Variants in DCDC1 observed in about 807,000 individuals in gnomAD.
DCDC1 encodes doublecortin domain containing 1, also known as doublecortin domain-containing protein 1.
A neutral mutation model predicts 178.3 loss-of-function variants in DCDC1; 200 were observed. The observed-to-expected ratio is 1.12, with a 90% CI of 1.00 to 1.26. The LOEUF (loss-of-function observed/expected upper bound fraction) is 1.26, where lower values mean the gene tolerates loss of function less well. Among genes scored for constraint, DCDC1 ranks in the 50% most tolerant of loss-of-function variants. The pLI, the probability that DCDC1 is intolerant of heterozygous loss-of-function variation, is 0.00. For missense variants in DCDC1, 1,983 were observed against 1,749.2 expected (o/e 1.13, Z -2.38); for synonymous variants, 690 against 604.8 (o/e 1.14, Z -2.07).
intron 2 of DCDC1, among the ~76,000 whole-genome samples, chr11:31,329,370 A>C (rs2133097154): frequency 6.7e-6 from 1 of 150,082 alleles, no homozygotes; most frequent in African/African-American, 2.4e-5. Flanking sequence ...TCTTTGCTTA[A>C]GCTAGTTGGA....
At chr11:31,123,486 T>C (rs1961112851) in intron 11 of DCDC1, among the ~76,000 whole-genome samples, 1 of 151,988 alleles carries the variant, frequency 6.6e-6, no homozygotes, top group Non-Finnish European at 1.5e-5. Flanking sequence ...TGGTAGAAGT[T>C]AGTCTTAGCA....
At chr11:31,263,390 A>T (rs1442656229) in intron 8 of DCDC1, among the ~76,000 whole-genome samples, 1 of 152,048 alleles carries the variant, frequency 6.6e-6, no homozygotes, top group African/African-American at 2.4e-5. Flanking sequence ...TAATAATGAC[A>T]CTCTTATTAA....
rs953953307 is a variant in DCDC1 at position 31,127,528 on chromosome 11, A to G, written c.1426T>C (p.Tyr476His). ...GCTGGAAGGCTTTTAATGTGTTGGT[A>G]GACATAAGAGGAGAATTGCTCCTGC... The part of the protein sequence containing the change: ...AEQEQFSSYV[Y>H]QHIKSLPANT... Residue 476 changes from tyrosine (Y) to histidine (H), a missense_variant, in exon 11 of 39, where the codon TAC becomes CAC. Tyr to His is a moderately conservative substitution (Grantham distance 83, BLOSUM62 2). Coordinates refer to ENST00000684477, the MANE Select transcript of DCDC1 (RefSeq NM_001387274.1). 2.8e-6 allele frequency: 2 copies of G among 702,604 alleles called. No individual in the cohort carries two copies. Among genetic ancestry groups the G allele is most frequent in the Non-Finnish European group, 5.2e-6 (2 of 384,802 alleles). 43.5% of individuals were successfully genotyped at this position (702,604 alleles called of 1,614,324 possible).
chr11:31,051,667 T>A (rs1359851914), intron 20 of DCDC1, among the ~76,000 whole-genome samples: 4 of 152,210 alleles, frequency 2.6e-5, no homozygotes, highest in African/African-American at 9.6e-5. Flanking sequence ...TGGGGACCTA[T>A]CTTCAGCCTC....
rs369735018 is a variant in DCDC1 at position 30,930,490 on chromosome 11, T to C, written c.2897+1281A>G. ...ATTATTTGGGAGTAATTAATTCATA[T>C]GGTGAACAAGTAACTCTAATACCTG... On this transcript the variant is annotated intron_variant, in intron 22 of 38. Transcript: ENST00000684477. 9.2e-5 allele frequency among the ~76,000 whole-genome samples: 14 copies of C among 152,282 alleles called. No individual in the cohort carries two copies. In the East Asian group the frequency reaches 1.5e-3, roughly 17 times the overall value.
intron 9 of DCDC1, among the ~76,000 whole-genome samples, chr11:31,170,525 G>C (rs1340312089): frequency 6.6e-6 from 1 of 152,076 alleles, no homozygotes; most frequent in Non-Finnish European, 1.5e-5. Context: ...CAACCCTTTT[G>C]TCAAAACCTA....
chr11:31,103,927 A>G (rs964197199), intron 13 of DCDC1, among the ~76,000 whole-genome samples, 158 bp from the exon 14 acceptor site: 4 of 152,240 alleles, frequency 2.6e-5, no homozygotes, highest in African/African-American at 4.8e-5. Flanking sequence ...ATTCTATATT[A>G]ACACCTGAAA....
At chr11:31,181,513 A>T (rs1338639774) in intron 9 of DCDC1, among the ~76,000 whole-genome samples, 1 of 152,204 alleles carries the variant, frequency 6.6e-6, no homozygotes, top group Non-Finnish European at 1.5e-5. Context: ...AACTTCCAGA[A>T]GAAGGAACAG....
chr11:31,256,224 A>G (rs2137030107), intron 8 of DCDC1, among the ~76,000 whole-genome samples: 1 of 152,298 alleles, frequency 6.6e-6, no homozygotes, highest in Non-Finnish European at 1.5e-5. Context: ...GAATTACTGT[A>G]GTTTTACTTG....
chr11:31,066,025 T>A (rs1368942302), intron 18 of DCDC1, among the ~76,000 whole-genome samples: 1 of 152,180 alleles, frequency 6.6e-6, no homozygotes, highest in Admixed American at 6.6e-5. Flanking sequence ...GGGGGATATA[T>A]AAATACTGCA....
intron 4 of DCDC1, among the ~76,000 whole-genome samples, chr11:31,306,718 T>C (rs985901011): frequency 1.3e-5 from 2 of 151,876 alleles, no homozygotes; most frequent in African/African-American, 4.8e-5. Flanking sequence ...CTAAAAATTA[T>C]ATATATGAGA....
chr11:30,908,823 C>G, intron 29 of DCDC1, 123 bp downstream of exon 29: 1 of 767,934 alleles, frequency 1.3e-6, no homozygotes, highest in Non-Finnish European at 1.9e-6. Flanking sequence ...TGATTTCACT[C>G]AAAAATCAGC....
intron 20 of DCDC1, among the ~76,000 whole-genome samples, chr11:31,021,338 A>G (rs1259970395): frequency 1.3e-5 from 2 of 152,236 alleles, no homozygotes; most frequent in Non-Finnish European, 2.9e-5. Flanking sequence ...AACGTTCACC[A>G]TTAGAAAGCA....
chr11:30,895,879 A>G (rs1016902743), intron 34 of DCDC1, among the ~76,000 whole-genome samples: 1 of 152,220 alleles, frequency 6.6e-6, no homozygotes. Flanking sequence ...ATTTTTATAA[A>G]TAACATTTCA....
Position 30,906,618 on chromosome 11 carries a change from A to T in DCDC1, c.4026T>A (p.Val1342=). 6.2e-7 allele frequency: 1 copy of T among 1,613,514 alleles called. No individual in the cohort carries two copies. Among genetic ancestry groups the T allele is most frequent in the Non-Finnish European group, 8.5e-7 (1 of 1,179,678 alleles). The change falls in exon 30 of 39, where the codon GTT becomes GTA. Residue 1342 remains valine, a synonymous_variant. Transcript: ENST00000684477. ...TGGTGCCTGAAATACAGAGGAATGG[A>T]ACCCCTGGAAGCAATTGTTTCAGTC... ...EKGLKQLLPG[V]PFLCISGTKT... is the part of the protein sequence containing the mutation.
At chr11:31,037,689 T>C (rs750097344) in intron 20 of DCDC1, among the ~76,000 whole-genome samples, 5 of 152,100 alleles carry the variant, frequency 3.3e-5, no homozygotes, top group Non-Finnish European at 7.4e-5. Context: ...GGTCTCGATC[T>C]CCTGACCTCG....
intron 7 of DCDC1, among the ~76,000 whole-genome samples, chr11:31,266,869 G>T (rs1300345673): frequency 2.0e-5 from 3 of 152,206 alleles, no homozygotes; most frequent in Admixed American, 6.5e-5. Flanking sequence ...CAAACATTGT[G>T]ACTGATTTGG....
chr11:31,216,744 A>C (rs1326685432), intron 9 of DCDC1, among the ~76,000 whole-genome samples: 1 of 152,114 alleles, frequency 6.6e-6, no homozygotes, highest in Non-Finnish European at 1.5e-5. Flanking sequence ...AGCTTTCCCC[A>C]TACAAGACAG....
At chr11:31,141,534 T>C (rs1963830115) in intron 9 of DCDC1, among the ~76,000 whole-genome samples, 1 of 152,298 alleles carries the variant, frequency 6.6e-6, no homozygotes, top group South Asian at 2.1e-4. Flanking sequence ...AATCTATTAA[T>C]ATAAAAAATC....
Sources: gnomAD v4.1 joint callset for allele counts (sites outside exome capture counted in the v4.1 genomes callset) on GRCh38, gnomAD v4.1.1 for gene constraint, MANE v1.5 for transcripts, NCBI Gene and HGNC (gene_info 2026-07-23, HGNC 2026-07-21) for gene names.